Variants in ANK2 observed in about 807,000 individuals in gnomAD.
ANK2 encodes ankyrin-2.
In ANK2, 83 loss-of-function variants were observed where a neutral mutation model predicts 360.5. The ratio of observed to expected loss-of-function variants is 0.23; its 90% CI spans 0.19 to 0.28. The LOEUF (loss-of-function observed/expected upper bound fraction) is 0.28, where lower values mean the gene tolerates loss of function less well. ANK2 is among the 10% of genes least tolerant of loss of function. ANK2 has a pLI of 1.00. For missense variants in ANK2, 4,201 were observed against 4,795.7 expected (o/e 0.88, Z 3.66); for synonymous variants, 1,740 against 1,759.5 (o/e 0.99, Z 0.28).
At chr4:112,727,899 C>T in the ANK2 span, among the ~76,000 whole-genome samples, 2 of 152,146 alleles carry the variant, frequency 1.3e-5, no homozygotes, top group South Asian at 2.1e-4. Context: ...ATTGCTTGCA[C>T]GCGGGAGGCG....
intron 1 of ANK2, among the ~76,000 whole-genome samples, chr4:113,129,947 T>C (rs1023143179): frequency 2.0e-5 from 3 of 152,134 alleles, no homozygotes; most frequent in Admixed American, 1.3e-4. Context: ...CTATCTCCCT[T>C]CTGTTTTGTG....
chr4:113,145,804 G>A (rs2096806969), intron 1 of ANK2: 5 of 1,269,726 alleles, frequency 3.9e-6, no homozygotes, highest in Non-Finnish European at 5.1e-6. Flanking sequence ...TGTACCCCTG[G>A]GAGCCCTGGA....
At chr4:112,859,726 A>T (rs2067392426) in intron 1 of ANK2, among the ~76,000 whole-genome samples, 1 of 152,236 alleles carries the variant, frequency 6.6e-6, no homozygotes, top group African/African-American at 2.4e-5. Context: ...TGACCAGCTT[A>T]CCCAAGCCAC....
intron 33 of ANK2, among the ~76,000 whole-genome samples, chr4:113,342,375 G>C (rs2094396082): frequency 6.7e-6 from 1 of 149,894 alleles, no homozygotes; most frequent in Non-Finnish European, 1.5e-5. Flanking sequence ...GGGTGTTGAA[G>C]TCCAGTAACC....
chr4:112,942,502 G>C lies in ANK2; in HGVS notation c.21+37988G>C, dbSNP rs946799982. Among the ~76,000 whole-genome samples the C allele has an allele frequency of 7.9e-5, 12 of 152,222 alleles. No individual in the cohort carries two copies. In the East Asian group the frequency reaches 2.1e-3, roughly 27 times the overall value. ...AACTGGGCAAACTCACAACAAGCAA[G>C]GGGTGGGTCAGGATTTGAACCCAGG... On this transcript the variant is annotated intron_variant, in intron 2 of 30. Transcript: ENST00000503271.
the ANK2 span, among the ~76,000 whole-genome samples, chr4:112,763,241 T>C: frequency 6.6e-6 from 1 of 151,600 alleles, no homozygotes; most frequent in African/African-American, 2.4e-5. Flanking sequence ...TTTTTTTTTT[T>C]GTATTTGAGA....
chr4:112,966,595 CT>C (rs1008331124), intron 2 of ANK2, among the ~76,000 whole-genome samples: 2 of 151,892 alleles, frequency 1.3e-5, no homozygotes, highest in Admixed American at 6.6e-5. Context: ...ATCAGTGTCA[CT>C]TTTTTTTCCA....
the ANK2 span, among the ~76,000 whole-genome samples, chr4:112,763,112 G>A: frequency 4.6e-4 from 70 of 152,276 alleles, no homozygotes; most frequent in Non-Finnish European, 7.4e-4. Context: ...AATAAGAGTG[G>A]GGGCTGGGCG....
At chr4:112,767,812 A>T in the ANK2 span, among the ~76,000 whole-genome samples, 1 of 152,158 alleles carries the variant, frequency 6.6e-6, no homozygotes, top group Non-Finnish European at 1.5e-5. Flanking sequence ...TTTTTAACTT[A>T]AAAAGGACTT....
chr4:113,026,592 G>A (rs940670536), intron 2 of ANK2, among the ~76,000 whole-genome samples: 3 of 152,112 alleles, frequency 2.0e-5, no homozygotes, highest in African/African-American at 7.2e-5. Flanking sequence ...TATTTTCAGT[G>A]GACAGGGAGC....
intron 1 of ANK2, among the ~76,000 whole-genome samples, chr4:113,094,668 A>G (rs1360509657): frequency 4.6e-5 from 7 of 152,208 alleles, no homozygotes; most frequent in Non-Finnish European, 7.3e-5. Context: ...GTGGGGTACA[A>G]TTTGATAAAT....
the ANK2 span, among the ~76,000 whole-genome samples, chr4:112,715,127 A>G: frequency 7.2e-5 from 11 of 152,264 alleles, no homozygotes; most frequent in South Asian, 2.3e-3. Flanking sequence ...ACGTCTGGTG[A>G]CCAATACTAC....
At chr4:112,713,121 T>C in the ANK2 span, among the ~76,000 whole-genome samples, 2 of 152,176 alleles carry the variant, frequency 1.3e-5, no homozygotes, top group Admixed American at 1.3e-4. Flanking sequence ...ATAAAACCAT[T>C]TAAAATTGAT....
At chr4:113,329,499 C>G (rs953380729) in intron 26 of ANK2, among the ~76,000 whole-genome samples, 3 of 152,102 alleles carry the variant, frequency 2.0e-5, no homozygotes, top group African/African-American at 7.2e-5. Flanking sequence ...AATCATGATA[C>G]AGATGATACA....
At chr4:113,130,407 T>C (rs2095942482) in intron 1 of ANK2, among the ~76,000 whole-genome samples, 1 of 152,192 alleles carries the variant, frequency 6.6e-6, no homozygotes, top group Non-Finnish European at 1.5e-5. Context: ...TTTAGATATA[T>C]AATATCTGTT....
At chr4:113,285,276 A>G (rs796599273) in intron 18 of ANK2, among the ~76,000 whole-genome samples, 40 of 152,126 alleles carry the variant, frequency 2.6e-4, no homozygotes, top group African/African-American at 9.2e-4. Context: ...AGCAGCACAC[A>G]CCAGCTGGTG....
chr4:113,314,318 T>C (rs1254645069), intron 24 of ANK2, among the ~76,000 whole-genome samples: 3 of 152,202 alleles, frequency 2.0e-5, no homozygotes, highest in Non-Finnish European at 2.9e-5. Flanking sequence ...TGCCACTCCA[T>C]TAATTGAATG....
intron 22 of ANK2, among the ~76,000 whole-genome samples, chr4:113,297,741 A>AAT (rs1355115878): frequency 2.6e-5 from 4 of 152,058 alleles, no homozygotes; most frequent in Non-Finnish European, 4.4e-5. Context: ...TATATGCTAT[A>AAT]ATATGTATAT....
Position 112,824,753 on chromosome 4 carries a change from C to T in ANK2, c.-40+6489C>T, listed in dbSNP as rs151040837. The stretch of plus-strand genomic sequence containing the variant: ...TCCTGACCAGGTGATCTACCCACCT[C>T]GGCCTCTCAAAGTGCTGGGATTATA... On this transcript the variant is annotated intron_variant, in intron 1 of 30. Coordinates refer to the ANK2 transcript ENST00000503271. Among the ~76,000 whole-genome samples, 7 of 151,826 alleles carry T rather than the reference C, an allele frequency of 4.6e-5. No homozygotes were observed. The East Asian group carries it at 7.8e-4, about 17-fold the overall frequency.
Sources: gnomAD v4.1 joint callset for allele counts (sites outside exome capture counted in the v4.1 genomes callset) on GRCh38, gnomAD v4.1.1 for gene constraint, MANE v1.5 for transcripts, NCBI Gene and HGNC (gene_info 2026-07-23, HGNC 2026-07-21) for gene names.